The following DYTN variants were observed in gnomAD, a reference collection of about 807,000 sequenced individuals.
DYTN encodes the protein dystrotelin.
A neutral mutation model predicts 69.6 loss-of-function variants in DYTN; 75 were observed. The observed-to-expected ratio is 1.08, with a 90% CI of 0.89 to 1.31. DYTN has a LOEUF of 1.31. Among genes scored for constraint, DYTN ranks in the 50% most tolerant of loss-of-function variants. The probability of loss-of-function intolerance (pLI) is 0.00; values close to 1 mark genes in which losing one functional copy is unlikely to be tolerated. For synonymous variants in DYTN, 252 were observed against 249.1 expected, an observed-to-expected ratio of 1.01 and a Z score of -0.11; for missense variants, 726 against 688.4, an observed-to-expected ratio of 1.05 and a Z score of -0.61.
chr2:206,703,873 G>A (rs765008450), intron 5 of DYTN, among the ~76,000 whole-genome samples: 1 of 152,054 alleles, frequency 6.6e-6, no homozygotes, highest in African/African-American at 2.4e-5. Flanking sequence ...CAAGGGTAAG[G>A]GTACAACAGG....
intron 1 of DYTN, among the ~76,000 whole-genome samples, chr2:206,715,086 G>A (rs887989228): frequency 3.2e-4 from 48 of 152,266 alleles, no homozygotes; most frequent in African/African-American, 1.1e-3. Context: ...CATGGAGGAT[G>A]GATAAGATGC....
At chr2:206,667,208 C>A (rs368020239) in intron 9 of DYTN, among the ~76,000 whole-genome samples, 1 of 152,038 alleles carries the variant, frequency 6.6e-6, no homozygotes, top group Admixed American at 6.6e-5. Context: ...ACGGCACAGA[C>A]CCCCCTTCCC....
chr2:206,714,331 T>A (rs185318748), intron 1 of DYTN, among the ~76,000 whole-genome samples: 1 of 152,210 alleles, frequency 6.6e-6, no homozygotes, highest in East Asian at 1.9e-4. Context: ...GCCTCCCGAG[T>A]AGCTGGGATT....
chr2:206,655,612 T>C (rs1355679240), intron 11 of DYTN, among the ~76,000 whole-genome samples: 1 of 146,632 alleles, frequency 6.8e-6, no homozygotes, highest in African/African-American at 2.5e-5. Context: ...TTTGTAGAGA[T>C]AGGGTCTTGA....
chr2:206,678,512 A>C (rs745923720), intron 9 of DYTN, among the ~76,000 whole-genome samples: 5 of 152,228 alleles, frequency 3.3e-5, no homozygotes, highest in Non-Finnish European at 2.9e-5. Flanking sequence ...TTAATAGTGA[A>C]GTTTTAAATT....
chr2:206,658,729 A>C (rs1412351931), intron 11 of DYTN, among the ~76,000 whole-genome samples: 1 of 152,190 alleles, frequency 6.6e-6, no homozygotes. Flanking sequence ...TTTGCTTTGC[A>C]TTGAGCCTTT....
chr2:206,698,057 A>C lies in DYTN; in HGVS notation c.719+1670T>G, dbSNP rs529686608. On this transcript the variant is annotated intron_variant, in intron 7 of 11. Coordinates refer to ENST00000452335, the MANE Select transcript of DYTN (RefSeq NM_001093730.1). ...GGGCAGGACTTGCAGTAACTCCTTA[A>C]CTAATACTTGCTTATTGGTTAAATG... is the stretch of plus-strand genomic sequence containing the variant. 2.1e-4 allele frequency among the ~76,000 whole-genome samples: 32 copies of C among 152,340 alleles called. 1 individual carries two copies. In the South Asian group the frequency reaches 6.6e-3, roughly 32 times the overall value.
chr2:206,661,161 A>C (rs1408108426), intron 11 of DYTN, among the ~76,000 whole-genome samples: 1 of 152,232 alleles, frequency 6.6e-6, no homozygotes, highest in Non-Finnish European at 1.5e-5. Context: ...GAGAAGTCTC[A>C]GAAGAAACCA....
At chr2:206,658,239 C>T (rs921377938) in intron 11 of DYTN, among the ~76,000 whole-genome samples, 2 of 151,922 alleles carry the variant, frequency 1.3e-5, no homozygotes, top group Non-Finnish European at 2.9e-5. Context: ...ATTCTCATTT[C>T]GTTCATGTAT....
At chr2:206,669,867 C>T (rs913285147) in intron 9 of DYTN, among the ~76,000 whole-genome samples, 2 of 152,084 alleles carry the variant, frequency 1.3e-5, no homozygotes, top group Admixed American at 6.6e-5. Flanking sequence ...TTCTTCTGTA[C>T]ATTTAGATTA....
chr2:206,666,738 CGTGTGTGTGTGTGT>C (rs56345459), intron 9 of DYTN, among the ~76,000 whole-genome samples: 1 of 145,638 alleles, frequency 6.9e-6, no homozygotes, highest in African/African-American at 2.5e-5. Flanking sequence ...CATGGGTGTG[CGTGTGTGTGTGTGT>C]GTGTGTGTGT....
At chr2:206,707,727 G>A (rs978959064) in intron 2 of DYTN, among the ~76,000 whole-genome samples, 3 of 152,106 alleles carry the variant, frequency 2.0e-5, no homozygotes, top group Admixed American at 6.5e-5. Context: ...GCATCTGTTA[G>A]TAAAGCATAG....
intron 11 of DYTN, among the ~76,000 whole-genome samples, chr2:206,658,542 T>G (rs1015608525): frequency 1.2e-4 from 18 of 152,170 alleles, no homozygotes; most frequent in African/African-American, 4.3e-4. Flanking sequence ...AGCTGCCTTT[T>G]GTTTTTAAGC....
At chr2:206,689,210 A>G (rs151171358) in intron 9 of DYTN, among the ~76,000 whole-genome samples, 157 of 152,364 alleles carry the variant, frequency 1.0e-3, no homozygotes, top group African/African-American at 3.6e-3. Context: ...TGTAAAGGAA[A>G]TAAAACCACA....
intron 11 of DYTN, among the ~76,000 whole-genome samples, chr2:206,657,615 C>T (rs1574585011): frequency 6.6e-6 from 1 of 151,772 alleles, no homozygotes; most frequent in African/African-American, 2.4e-5. Context: ...ATATATTTAC[C>T]TTTACTAATG....
At chr2:206,683,739 G>T (rs577283147) in intron 9 of DYTN, among the ~76,000 whole-genome samples, 1 of 151,800 alleles carries the variant, frequency 6.6e-6, no homozygotes, top group Non-Finnish European at 1.5e-5. Context: ...GGCAAAAACC[G>T]CAATTACTTT....
chr2:206,703,673 C>T (rs1306574195), intron 5 of DYTN, among the ~76,000 whole-genome samples: 1 of 152,184 alleles, frequency 6.6e-6, no homozygotes, highest in African/African-American at 2.4e-5. Flanking sequence ...TCCATACTCC[C>T]TGTCCTAGAG....
At chr2:206,668,231 G>T (rs576299813) in intron 9 of DYTN, among the ~76,000 whole-genome samples, 41 of 152,268 alleles carry the variant, frequency 2.7e-4, no homozygotes, top group African/African-American at 9.4e-4. Flanking sequence ...TTTTCCTCAT[G>T]TTGTCCACCA....
At chr2:206,707,215 G>T in intron 3 of DYTN, 87 bp downstream of exon 3, 1 of 1,479,478 alleles carries the variant, frequency 6.8e-7, no homozygotes, top group Non-Finnish European at 9.1e-7. Flanking sequence ...CAAACCTCAA[G>T]CAAATATTAG....
Sources: allele counts gnomAD v4.1 joint callset (sites outside exome capture counted in the v4.1 genomes callset), GRCh38; gene constraint gnomAD v4.1.1; transcripts MANE v1.5; gene names NCBI Gene and HGNC (gene_info 2026-07-23, HGNC 2026-07-21).